FCRL2: variants seen among roughly 807,000 people sequenced by gnomAD.
The protein encoded by FCRL2 is Fc receptor like 2.
In FCRL2, 48 loss-of-function variants were observed where a neutral mutation model predicts 59.8. That is an observed-to-expected ratio of 0.80 (90% CI 0.64 to 1.02). The LOEUF is 1.02. FCRL2 is among the 50% of genes least tolerant of loss of function. FCRL2 has a pLI of 0.00. For missense variants in FCRL2, 658 were observed against 597.3 expected, an observed-to-expected ratio of 1.10 and a Z score of -1.06; for synonymous variants, 251 against 229.5, an observed-to-expected ratio of 1.09 and a Z score of -0.85.
At chr1:157,754,104 A>T (rs1024387850) in intron 7 of FCRL2, among the ~76,000 whole-genome samples, 1 of 152,204 alleles carries the variant, frequency 6.6e-6, no homozygotes. Context: ...GAGCAACTCC[A>T]TCTTGAACAG....
intron 7 of FCRL2, among the ~76,000 whole-genome samples, chr1:157,764,396 CTT>C (rs1026428104): frequency 5.3e-5 from 8 of 152,174 alleles, no homozygotes; most frequent in East Asian, 1.9e-4. Flanking sequence ...ACACTTCACT[CTT>C]AGCATTAGAC....
At chr1:157,757,797 CTAAAAA>C (rs2101695563) in intron 7 of FCRL2, among the ~76,000 whole-genome samples, 1 of 152,256 alleles carries the variant, frequency 6.6e-6, no homozygotes, top group East Asian at 1.9e-4. Flanking sequence ...CCCGTCTCTA[CTAAAAA>C]TACAAAAAAT....
At chr1:157,774,573 G>T in intron 2 of FCRL2, 1 of 418,898 alleles carries the variant, frequency 2.4e-6, no homozygotes, top group South Asian at 1.7e-5. Flanking sequence ...AATGGTCGTA[G>T]GTGATTCACT....
At chr1:157,749,585 T>C in intron 8 of FCRL2, 65 bp downstream of exon 8, 1 of 1,108,322 alleles carries the variant, frequency 9.0e-7, no homozygotes, top group Admixed American at 1.8e-5. Flanking sequence ...CAGAGTACAG[T>C]AGGTATTTAA....
intron 7 of FCRL2, among the ~76,000 whole-genome samples, chr1:157,754,720 C>T (rs1235602074): frequency 1.3e-5 from 2 of 152,068 alleles, no homozygotes; most frequent in Non-Finnish European, 2.9e-5. Flanking sequence ...AATCCCAGTA[C>T]TTAGAGAGGC....
intron 8 of FCRL2, among the ~76,000 whole-genome samples, chr1:157,749,222 G>T (rs1647999737): frequency 6.6e-6 from 1 of 151,252 alleles, no homozygotes; most frequent in African/African-American, 2.4e-5. Flanking sequence ...ATAAAACTTT[G>T]CCTGCCTTTT....
chr1:157,749,030 G>T (rs1328203078), intron 8 of FCRL2, 70 bp from the exon 9 acceptor site: 10 of 1,370,628 alleles, frequency 7.3e-6, no homozygotes, highest in Middle Eastern at 1.9e-4. Context: ...GAGACTGGCT[G>T]AGGAGAGAGC....
At chr1:157,750,766 T>C (rs957281417) in intron 7 of FCRL2, among the ~76,000 whole-genome samples, 2 of 152,240 alleles carry the variant, frequency 1.3e-5, no homozygotes, top group Non-Finnish European at 2.9e-5. Flanking sequence ...CAGTCAGTCA[T>C]ATTCAAACAT....
intron 7 of FCRL2, among the ~76,000 whole-genome samples, chr1:157,757,691 G>A (rs1219076003): frequency 1.3e-5 from 2 of 152,182 alleles, no homozygotes; most frequent in Non-Finnish European, 2.9e-5. Context: ...GGCTGGGCAC[G>A]GAGGCTTACA....
intron 7 of FCRL2, among the ~76,000 whole-genome samples, chr1:157,756,230 G>A (rs138807469): frequency 3.2e-4 from 48 of 152,324 alleles, no homozygotes; most frequent in African/African-American, 1.1e-3. Context: ...GCTAATTTAT[G>A]TAGGGGTCCG....
chr1:157,770,352 C>T (rs1649902435), intron 3 of FCRL2, 57 bp downstream of exon 3: 2 of 1,581,896 alleles, frequency 1.3e-6, no homozygotes, highest in East Asian at 2.2e-5. Flanking sequence ...CAGTACCCAC[C>T]CTGCCTTGCT....
intron 4 of FCRL2, 54 bp from the exon 5 acceptor site, chr1:157,768,755 G>T: frequency 6.7e-7 from 1 of 1,487,528 alleles, no homozygotes; most frequent in Non-Finnish European, 9.1e-7. Context: ...CTGGGAACAG[G>T]GTTTGACTGA....
chr1:157,751,111 A>G (rs16839060), intron 7 of FCRL2, among the ~76,000 whole-genome samples: 2,699 of 152,318 alleles, frequency 0.018, 69 homozygotes, highest in African/African-American at 0.061. Flanking sequence ...AATTTGTTCA[A>G]AAGAATCAAA....
intron 7 of FCRL2, among the ~76,000 whole-genome samples, chr1:157,765,464 C>T (rs1422660149): frequency 2.6e-5 from 4 of 152,140 alleles, no homozygotes; most frequent in African/African-American, 9.7e-5. Context: ...TACCCTGATA[C>T]CAAAATCAGA....
At chr1:157,756,201 G>A (rs1648577222) in intron 7 of FCRL2, among the ~76,000 whole-genome samples, 1 of 152,328 alleles carries the variant, frequency 6.6e-6, no homozygotes, top group African/African-American at 2.4e-5. Context: ...AAGCACAAAA[G>A]TTAATGATTT....
At chr1:157,757,161 T>C (rs1450721667) in intron 7 of FCRL2, among the ~76,000 whole-genome samples, 2 of 152,198 alleles carry the variant, frequency 1.3e-5, no homozygotes, top group African/African-American at 4.8e-5. Flanking sequence ...AATGGGACTT[T>C]TTGATCAATA....
At chr1:157,759,949 C>T (rs1490968528) in intron 7 of FCRL2, among the ~76,000 whole-genome samples, 2 of 152,116 alleles carry the variant, frequency 1.3e-5, no homozygotes, top group African/African-American at 4.8e-5. Context: ...TGGGTATATT[C>T]CCAAAGGAAT....
In FCRL2 at chr1:157,767,402, A is replaced by G. The variant is rs1282705326; in HGVS notation, c.991T>C (p.Leu331=). The part of the protein sequence containing the change: ...CEALRGSPPI[L]YQFYHEDVTL... ...ACATCCTCATGATAAAATTGGTACA[A>G]GATTGGGGGAGAGCCTCTCAGGGCC... Residue 331 remains leucine, a synonymous_variant, in exon 6 of 12, where the codon TTG becomes CTG. Coordinates refer to ENST00000361516, the MANE Select transcript of FCRL2 (RefSeq NM_030764.4). 2 of 1,614,226 alleles carry G rather than the reference A, an allele frequency of 1.2e-6. No homozygotes were observed.
chr1:157,776,947 A>G lies in FCRL2; in HGVS notation c.31+96T>C, dbSNP rs1650460308. Reference sequence around the variant, plus strand: ...CTGCAGGCAGGACCTGAGCATCCCCACCAGTCCCTGGGCTCCAATAAAACC... The same window carrying G: ...CTGCAGGCAGGACCTGAGCATCCCCGCCAGTCCCTGGGCTCCAATAAAACC... On this transcript the variant is annotated intron_variant, in intron 1 of 11. Transcript: ENST00000361516. 1.3e-5 allele frequency: 16 copies of G among 1,208,984 alleles called. No homozygotes were observed. In the South Asian group the frequency reaches 1.8e-4, roughly 14 times the overall value. 74.9% of individuals were successfully genotyped at this position (1,208,984 alleles called of 1,614,324 possible).
Sources: gnomAD v4.1 joint callset for allele counts (sites outside exome capture counted in the v4.1 genomes callset) on GRCh38, gnomAD v4.1.1 for gene constraint, MANE v1.5 for transcripts, NCBI Gene and HGNC (gene_info 2026-07-23, HGNC 2026-07-21) for gene names.